CTNNA2: variants seen among roughly 807,000 people sequenced by gnomAD.
CTNNA2 encodes the protein catenin alpha-2.
A neutral mutation model predicts 101.0 loss-of-function variants in CTNNA2; 42 were observed. The ratio of observed to expected loss-of-function variants is 0.42; its 90% confidence interval spans 0.32 to 0.54. The LOEUF is 0.54. Among genes scored for constraint, CTNNA2 ranks in the 20% least tolerant of loss-of-function variants. The pLI, the probability that CTNNA2 is intolerant of heterozygous loss-of-function variation, is 0.14. For missense variants in CTNNA2, 871 were observed against 1,223.1 expected, an observed-to-expected ratio of 0.71 and a Z score of 4.29; for synonymous variants, 450 against 456.4, an observed-to-expected ratio of 0.99 and a Z score of 0.18.
At position 80,105,389 on chromosome 2, in the gene CTNNA2, A is replaced by G. The variant is rs190935759; in HGVS notation, c.1056+195592A>G. On this transcript the variant is annotated intron_variant, in intron 7 of 18. Coordinates refer to ENST00000402739, the MANE Select transcript of CTNNA2 (RefSeq NM_001282597.3). ...CCAGAAGTTGAGAATTGCCTAGGCA[A>G]AGGGTTTATCAGGTACATAAAGCTT... Among the ~76,000 whole-genome samples the G allele has an allele frequency of 1.6e-3, 249 of 152,340 alleles. 1 individual carries two copies. The highest frequency in any genetic ancestry group is 5.6e-3 in the African/African-American group (231 of 41,580).
intron 2 of CTNNA2, among the ~76,000 whole-genome samples, chr2:79,292,685 C>CA (rs998538816): frequency 2.0e-5 from 3 of 151,656 alleles, no homozygotes; most frequent in Admixed American, 1.3e-4. Flanking sequence ...TGGAAACAAA[C>CA]AAAAAAAATA....
chr2:79,213,531 G>A (rs1008025180), intron 2 of CTNNA2, among the ~76,000 whole-genome samples: 1 of 152,160 alleles, frequency 6.6e-6, no homozygotes, highest in East Asian at 1.9e-4. Flanking sequence ...AGATGTGGAA[G>A]ATACTATAGC....
At chr2:79,750,839 T>G (rs1671978112) in intron 3 of CTNNA2, among the ~76,000 whole-genome samples, 1 of 149,368 alleles carries the variant, frequency 6.7e-6, no homozygotes, top group East Asian at 2.0e-4. Flanking sequence ...GCCACTGCAC[T>G]CCAGCCTGGA....
chr2:79,892,428 C>T (rs1558618163), intron 6 of CTNNA2, among the ~76,000 whole-genome samples: 1 of 151,770 alleles, frequency 6.6e-6, no homozygotes, highest in Non-Finnish European at 1.5e-5. Flanking sequence ...AAAAAAAACC[C>T]CACAAAATAG....
chr2:79,211,413 C>T (rs1271200172), intron 2 of CTNNA2, among the ~76,000 whole-genome samples: 1 of 152,126 alleles, frequency 6.6e-6, no homozygotes, highest in African/African-American at 2.4e-5. Context: ...TTTATTTCAC[C>T]TGGGTGCAGG....
At chr2:80,517,652 A>T (rs912027601) in intron 9 of CTNNA2, among the ~76,000 whole-genome samples, 2 of 152,204 alleles carry the variant, frequency 1.3e-5, no homozygotes, top group Admixed American at 1.3e-4. Flanking sequence ...TCATTGAGGA[A>T]CTTGTAGAGA....
chr2:79,785,218 T>C (rs2105221532), intron 3 of CTNNA2, among the ~76,000 whole-genome samples: 1 of 152,308 alleles, frequency 6.6e-6, no homozygotes. Flanking sequence ...TCTCCATCTT[T>C]TGCAAGGTGG....
At chr2:79,624,870 G>A (rs60772909) in intron 1 of CTNNA2, among the ~76,000 whole-genome samples, 1 of 152,164 alleles carries the variant, frequency 6.6e-6, no homozygotes, top group South Asian at 2.1e-4. Flanking sequence ...TTCTGCCCCA[G>A]TCTGGGCATG....
At chr2:80,112,455 G>A (rs1389346603) in intron 7 of CTNNA2, among the ~76,000 whole-genome samples, 3 of 152,154 alleles carry the variant, frequency 2.0e-5, no homozygotes, top group Non-Finnish European at 2.9e-5. Flanking sequence ...GATATAATTT[G>A]TCTAGGTTGG....
chr2:79,332,640 C>A (rs192707795), intron 3 of CTNNA2, among the ~76,000 whole-genome samples: 2 of 152,288 alleles, frequency 1.3e-5, no homozygotes, highest in African/African-American at 2.4e-5. Flanking sequence ...GGTCAGCAAT[C>A]CTACAGGGCT....
intron 6 of CTNNA2, among the ~76,000 whole-genome samples, chr2:79,883,379 A>G (rs185117742): frequency 1.3e-5 from 2 of 152,200 alleles, no homozygotes; most frequent in Admixed American, 6.6e-5. Context: ...TGAATAGTTG[A>G]TGTAGTGATT....
At chr2:80,226,441 C>T (rs536268727) in intron 7 of CTNNA2, among the ~76,000 whole-genome samples, 92 of 152,320 alleles carry the variant, frequency 6.0e-4, no homozygotes, top group Middle Eastern at 3.4e-3. Flanking sequence ...TTGTTCGTGG[C>T]AGGTGCCACA....
intron 7 of CTNNA2, among the ~76,000 whole-genome samples, chr2:80,172,060 C>T (rs1482735990): frequency 6.6e-6 from 1 of 152,092 alleles, no homozygotes; most frequent in Non-Finnish European, 1.5e-5. Context: ...AAAGGCAAGC[C>T]TAGCAGGATC....
chr2:79,508,286 G>T (rs1160055720), upstream of CTNNA2, among the ~76,000 whole-genome samples: 1 of 152,072 alleles, frequency 6.6e-6, no homozygotes, highest in Non-Finnish European at 1.5e-5. Flanking sequence ...ACTTAAATTG[G>T]ACTTCAGTCA....
In CTNNA2 at chr2:79,529,104, A is replaced by G. The variant is rs930238551; in HGVS notation, c.-6+15897A>G. ...CTATAAAGATAAATTAGGAAATAGC[A>G]TTCCAGGTTGAGGGGAAAGCATGAA... On this transcript the variant is annotated intron_variant, in intron 1 of 18. Transcript: ENST00000402739. Among the ~76,000 whole-genome samples, 22 of 152,184 alleles carry G rather than the reference A, an allele frequency of 1.4e-4. 1 individual carries two copies. The highest frequency in any genetic ancestry group is 1.4e-3 in the Admixed American group (22 of 15,238).
chr2:79,696,932 T>C (rs1684687396), intron 2 of CTNNA2, among the ~76,000 whole-genome samples: 1 of 151,958 alleles, frequency 6.6e-6, no homozygotes, highest in Non-Finnish European at 1.5e-5. Context: ...GAGACTTTAA[T>C]TGCTATCTCT....
At chr2:79,623,702 CA>C (rs1402651547) in intron 1 of CTNNA2, among the ~76,000 whole-genome samples, 1 of 152,030 alleles carries the variant, frequency 6.6e-6, no homozygotes, top group East Asian at 1.9e-4. Flanking sequence ...AAGCATGCAA[CA>C]AAATTCAGAT....
rs76872763 is a variant in CTNNA2, at chr2:79,587,330, A to G, written c.-5-64222A>G. On this transcript the variant is annotated intron_variant, in intron 1 of 18. Coordinates refer to ENST00000402739, the MANE Select transcript of CTNNA2 (RefSeq NM_001282597.3). ...ACCGTGGGCTGAGTTATTAAACCCC[A>G]TTTTAATGAGATGAGGAAGCTGAGG... Among the ~76,000 whole-genome samples, 1,003 of 152,210 alleles carry G rather than the reference A, an allele frequency of 6.6e-3. 49 individuals carry two copies. The East Asian group carries it at 0.099, about 15-fold the overall frequency.
chr2:80,620,223 TTATAAAA>T, intron 18 of CTNNA2, among the ~76,000 whole-genome samples: 1 of 151,768 alleles, frequency 6.6e-6, no homozygotes, highest in Admixed American at 6.6e-5. Flanking sequence ...ATTATGAGTA[TTATAAAA>T]TATATAAAGA....
Sources: allele counts gnomAD v4.1 joint callset (sites outside exome capture counted in the v4.1 genomes callset), GRCh38; gene constraint gnomAD v4.1.1; transcripts MANE v1.5; gene names NCBI Gene and HGNC (gene_info 2026-07-23, HGNC 2026-07-21).